CSPP1: variants seen among roughly 807,000 people sequenced by gnomAD.
CSPP1 encodes centrosome and spindle pole-associated protein 1.
In CSPP1, 126 loss-of-function variants were observed where a neutral mutation model predicts 164.4. That is an observed-to-expected ratio of 0.77 (90% CI 0.66 to 0.89). CSPP1 has a LOEUF of 0.89. Ranked by LOEUF, CSPP1 falls within the 40% of genes least tolerant of loss-of-function variation. The probability of loss-of-function intolerance (pLI) is 0.00; values close to 1 mark genes in which losing one functional copy is unlikely to be tolerated. For synonymous variants in CSPP1, 472 were observed against 476.7 expected (o/e 0.99, Z 0.13); for missense variants, 1,395 against 1,449.8 (o/e 0.96, Z 0.61).
rs373640556 is a variant in CSPP1, at chr8:67,149,829, C to G, written c.2022C>G (p.Asn674Lys). The change falls in exon 18 of 31, where the codon AAC (asparagine) becomes AAG (lysine). Residue 674 changes from asparagine to lysine, a missense_variant. By Grantham distance (94) the Asn-to-Lys change is moderately conservative (BLOSUM62 0). Transcript: ENST00000678616. Reference sequence around the variant, plus strand: ...GACAAAATATAGATGCCTACCATAACCCAGATGCAAGAACATATGAAGATA... The same window carrying G: ...GACAAAATATAGATGCCTACCATAAGCCAGATGCAAGAACATATGAAGATA... ...MHRQNIDAYH[N>K]PDARTYEDKR... 1 of 1,603,570 alleles carries G rather than the reference C, an allele frequency of 6.2e-7. No homozygotes were observed. The highest frequency in any genetic ancestry group is 8.5e-7 in the Non-Finnish European group (1 of 1,175,810).
At chr8:67,083,942 T>A (rs1366643507) in intron 3 of CSPP1, 2 of 152,184 alleles carry the variant, frequency 1.3e-5, no homozygotes, top group Non-Finnish European at 2.9e-5. Context: ...AGGCACTCAT[T>A]CATATATTCA....
intron 15 of CSPP1, among the ~76,000 whole-genome samples, chr8:67,130,162 C>G (rs1220622857): frequency 2.0e-5 from 3 of 152,152 alleles, no homozygotes; most frequent in Admixed American, 2.0e-4. Context: ...TTGGTATAGG[C>G]AGAGAGTCCT....
intron 3 of CSPP1, among the ~76,000 whole-genome samples, chr8:67,082,848 A>G (rs1809496563): frequency 6.6e-6 from 1 of 152,192 alleles, no homozygotes; most frequent in South Asian, 2.1e-4. Flanking sequence ...CATCACTTCA[A>G]ATGACCCTAA....
chr8:67,174,997 TGGGTGGC>T, intron 25 of CSPP1: 1 of 326,746 alleles, frequency 3.1e-6, no homozygotes, highest in Non-Finnish European at 5.8e-6. Context: ...GTCTGTGTTC[TGGGTGGC>T]ATCCTGGCAG....
chr8:67,092,664 C>T lies in CSPP1; in HGVS notation c.384+781C>T, dbSNP rs563981736. 5.9e-5 allele frequency among the ~76,000 whole-genome samples: 9 copies of T among 152,186 alleles called. No individual in the cohort carries two copies. The South Asian group carries it at 8.3e-4, about 14-fold the overall frequency. On this transcript the variant is annotated intron_variant, in intron 5 of 30. Transcript: ENST00000678616. ...TTCACAATGTAGGCCAGGCTGGTCT[C>T]GAGCTCCTGACCTCGTGATCCACCC...
At chr8:67,171,132 C>T (rs1394673136) in intron 24 of CSPP1, among the ~76,000 whole-genome samples, 1 of 145,298 alleles carries the variant, frequency 6.9e-6, no homozygotes, top group Admixed American at 6.8e-5. Flanking sequence ...TGCAGTGGCT[C>T]ATGCACGCCT....
intron 1 of CSPP1, chr8:67,065,521 C>T (rs1805360754): frequency 2.0e-6 from 2 of 981,416 alleles, no homozygotes; most frequent in Non-Finnish European, 2.4e-6. Context: ...TTGACAAGCT[C>T]CATGGAAGCT....
intron 21 of CSPP1, among the ~76,000 whole-genome samples, chr8:67,159,961 CTTTTCTTTTCTT>C (rs1463911970): frequency 4.1e-4 from 12 of 29,256 alleles, no homozygotes; most frequent in East Asian, 8.5e-4. Flanking sequence ...TTCCTTCTTT[CTTTTCTTTTCTT>C]TTCTTTTCTT....
chr8:67,089,945 C>T (rs530729982), intron 4 of CSPP1, among the ~76,000 whole-genome samples: 142 of 151,812 alleles, frequency 9.4e-4, no homozygotes, highest in African/African-American at 3.2e-3. Flanking sequence ...TGAGCCACCA[C>T]TCCCTGCCTA....
chr8:67,167,945 C>T lies in CSPP1; in HGVS notation c.2828+3437C>T, dbSNP rs568161569. Among the ~76,000 whole-genome samples, 119 of 151,992 alleles carry T rather than the reference C, an allele frequency of 7.8e-4. 1 individual carries two copies. The highest frequency in any genetic ancestry group is 2.7e-3 in the African/African-American group (111 of 41,524). On this transcript the variant is annotated intron_variant, in intron 24 of 30. Coordinates refer to ENST00000678616, the MANE Select transcript of CSPP1 (RefSeq NM_001382391.1). ...TGGCACTTTGGGAGGCCAAGGCAGG[C>T]GGCTGGGAGGTGGAGGTTGTAGCCA...
chr8:67,170,022 G>A (rs1448644836), intron 24 of CSPP1, among the ~76,000 whole-genome samples: 2 of 152,078 alleles, frequency 1.3e-5, no homozygotes, highest in East Asian at 3.9e-4. Flanking sequence ...GATTATAGGC[G>A]TGAGCCACAG....
In CSPP1 at chr8:67,175,377, C is replaced by A; in HGVS notation, c.3050C>A (p.Ala1017Asp). The stretch of plus-strand genomic sequence containing the variant: ...CACACCTTAGAGATTCAGCAGCAAG[C>A]CCTGCTAAGAGAGCAGCAGAAGAGG... ...DHHTLEIQQQ[A>D]LLREQQKRLN... Residue 1017 changes from alanine (A) to aspartate (D), a missense_variant, in exon 26 of 31, where the codon GCC becomes GAC. Ala to Asp is a moderately radical substitution (Grantham distance 126, BLOSUM62 -2). Transcript: ENST00000678616. 1 of 1,613,908 alleles carries A rather than the reference C, an allele frequency of 6.2e-7. No individual in the cohort carries two copies. Among genetic ancestry groups the A allele is most frequent in the Non-Finnish European group, 8.5e-7 (1 of 1,179,790 alleles).
chr8:67,083,548 A>AAAAAAAAAAAT (rs1332248754), intron 3 of CSPP1: 3 of 91,498 alleles, frequency 3.3e-5, no homozygotes, highest in East Asian at 3.4e-4. Flanking sequence ...AAAAAAAAAA[A>AAAAAAAAAAAT]ATATATATAT....
At chr8:67,158,671 AC>A (rs1171679369) in intron 20 of CSPP1, 75 bp downstream of exon 20, 1 of 1,488,590 alleles carries the variant, frequency 6.7e-7, no homozygotes, top group Non-Finnish European at 8.9e-7. Context: ...GGTATTTCTT[AC>A]TTATAAAGGA....
chr8:67,194,564 A>G (rs541296807), intron 30 of CSPP1, among the ~76,000 whole-genome samples: 3 of 152,306 alleles, frequency 2.0e-5, no homozygotes, highest in African/African-American at 7.2e-5. Context: ...ATAGCATTTT[A>G]AGAATCTTTT....
At position 67,163,762 on chromosome 8, in the gene CSPP1, C is replaced by T. The variant is rs767635235; in HGVS notation, c.2674C>T (p.Pro892Ser). Residue 892 changes from proline (P) to serine (S), a missense_variant, in exon 23 of 31, where the codon CCG (proline) becomes TCG (serine). Physicochemically the swap from Pro to Ser is moderately conservative, Grantham distance 74. Coordinates refer to ENST00000678616, the MANE Select transcript of CSPP1 (RefSeq NM_001382391.1). The stretch of plus-strand genomic sequence containing the variant: ...TTCCATGTCCAGGGCACAGTCACCC[C>T]CGGTACCTGCCAGGAAAAATCAGCT... ...ESSMSRAQSP[P>S]VPARKNQLRA... 8 of 1,613,494 alleles carry T rather than the reference C, an allele frequency of 5.0e-6. No individual in the cohort carries two copies. The African/African-American group carries it at 6.7e-5, about 13-fold the overall frequency.
chr8:67,125,110 T>C (rs963157325), intron 15 of CSPP1, among the ~76,000 whole-genome samples: 3 of 152,234 alleles, frequency 2.0e-5, no homozygotes, highest in Non-Finnish European at 2.9e-5. Context: ...TGCTGTCAAG[T>C]GTTCTTTCAT....
intron 24 of CSPP1, among the ~76,000 whole-genome samples, chr8:67,171,283 C>T (rs1236004590): frequency 1.3e-5 from 2 of 151,524 alleles, no homozygotes; most frequent in Non-Finnish European, 2.9e-5. Flanking sequence ...CGCCTGTAGT[C>T]CCAGCTACTC....
At chr8:67,130,442 G>T (rs1307447700) in intron 15 of CSPP1, among the ~76,000 whole-genome samples, 1 of 152,088 alleles carries the variant, frequency 6.6e-6, no homozygotes, top group Admixed American at 6.5e-5. Flanking sequence ...TATTCACATA[G>T]ACCCTCTCAA....
Sources: allele counts gnomAD v4.1 joint callset (sites outside exome capture counted in the v4.1 genomes callset), GRCh38; gene constraint gnomAD v4.1.1; transcripts MANE v1.5; gene names NCBI Gene and HGNC (gene_info 2026-07-23, HGNC 2026-07-21).